The following HMBOX1 variants were observed in gnomAD, a reference collection of about 807,000 sequenced individuals.
HMBOX1 encodes the protein homeobox-containing protein 1.
A neutral mutation model predicts 54.5 loss-of-function variants in HMBOX1; 14 were observed. That is an observed-to-expected ratio of 0.26 (90% confidence interval 0.17 to 0.40). The LOEUF (loss-of-function observed/expected upper bound fraction) is 0.40. Ranked by LOEUF, HMBOX1 falls within the 10% of genes least tolerant of loss-of-function variation. The pLI, the probability that HMBOX1 is intolerant of heterozygous loss-of-function variation, is 1.00. For missense variants in HMBOX1, 332 were observed against 514.4 expected (o/e 0.65, Z 3.43); for synonymous variants, 160 against 181.0 (o/e 0.88, Z 0.93).
At chr8:28,892,512 G>A (rs1039668503) in intron 1 of HMBOX1, among the ~76,000 whole-genome samples, 10 of 152,122 alleles carry the variant, frequency 6.6e-5, no homozygotes, top group Admixed American at 5.9e-4. Context: ...TATTTCGACT[G>A]TTGAGAATTG....
At chr8:28,975,278 G>A (rs191346247) in intron 3 of HMBOX1, among the ~76,000 whole-genome samples, 1 of 152,182 alleles carries the variant, frequency 6.6e-6, no homozygotes, top group African/African-American at 2.4e-5. Flanking sequence ...ATACAGAACA[G>A]CATGTAATAT....
intron 1 of HMBOX1, among the ~76,000 whole-genome samples, chr8:28,912,879 G>C (rs997359211): frequency 6.6e-6 from 1 of 152,030 alleles, no homozygotes; most frequent in Non-Finnish European, 1.5e-5. Context: ...TCTCAAAGAT[G>C]CCTTTTTATG....
intron 4 of HMBOX1, among the ~76,000 whole-genome samples, chr8:28,989,495 T>C (rs1203853739): frequency 1.3e-5 from 2 of 152,212 alleles, no homozygotes; most frequent in Admixed American, 1.3e-4. Flanking sequence ...TTGATTACTT[T>C]GTTATCTTTG....
At chr8:29,021,090 G>C (rs1365637095) in intron 6 of HMBOX1, among the ~76,000 whole-genome samples, 3 of 152,142 alleles carry the variant, frequency 2.0e-5, no homozygotes, top group African/African-American at 7.2e-5. Flanking sequence ...TGAGAGGATT[G>C]CTTGAGCCCA....
Position 29,011,228 on chromosome 8 carries a change from A to C in HMBOX1, c.697+2046A>C, listed in dbSNP as rs183727912. 4.3e-3 allele frequency among the ~76,000 whole-genome samples: 654 copies of C among 152,370 alleles called. 7 individuals carry two copies. Among genetic ancestry groups the C allele is most frequent in the Non-Finnish European group, 7.0e-3 (479 of 68,036 alleles). On this transcript the variant is annotated intron_variant, in intron 5 of 9. Transcript: ENST00000287701. The stretch of plus-strand genomic sequence containing the variant: ...TGTTTGAAAATTTTTGCAATAAAAC[A>C]CTGGAGAAAAATACTTTGTAGGTAG...
intron 4 of HMBOX1, among the ~76,000 whole-genome samples, chr8:28,993,226 G>A (rs1221952890): frequency 1.3e-5 from 2 of 151,946 alleles, no homozygotes; most frequent in Non-Finnish European, 2.9e-5. Context: ...CACTACTTAT[G>A]TAACAAATTA....
At chr8:28,902,171 G>A (rs1324485422) in intron 1 of HMBOX1, among the ~76,000 whole-genome samples, 1 of 152,150 alleles carries the variant, frequency 6.6e-6, no homozygotes. Context: ...GCTGGTAGGG[G>A]GCAGGGGTGA....
chr8:28,899,277 C>A (rs1470045834), intron 1 of HMBOX1, among the ~76,000 whole-genome samples: 1 of 152,140 alleles, frequency 6.6e-6, no homozygotes, highest in Non-Finnish European at 1.5e-5. Context: ...GTATCAGGAT[C>A]CTCATTGCTG....
chr8:28,922,512 A>T (rs915592310), intron 1 of HMBOX1, among the ~76,000 whole-genome samples: 1 of 152,222 alleles, frequency 6.6e-6, no homozygotes, highest in Non-Finnish European at 1.5e-5. Flanking sequence ...GAAATGAAGC[A>T]AAACATTCTT....
intron 1 of HMBOX1, among the ~76,000 whole-genome samples, chr8:28,932,555 G>T (rs982815302): frequency 7.9e-5 from 12 of 152,194 alleles, no homozygotes; most frequent in Admixed American, 5.9e-4. Context: ...CAGTATTTCA[G>T]TCGACTTTAA....
At chr8:28,897,976 G>A (rs1812490712) in intron 1 of HMBOX1, among the ~76,000 whole-genome samples, 1 of 152,150 alleles carries the variant, frequency 6.6e-6, no homozygotes, top group Admixed American at 6.5e-5. Context: ...TACTATTTTT[G>A]TTAGGTACAA....
At chr8:28,994,963 G>T (rs1224883102) in intron 4 of HMBOX1, among the ~76,000 whole-genome samples, 1 of 151,950 alleles carries the variant, frequency 6.6e-6, no homozygotes, top group Non-Finnish European at 1.5e-5. Flanking sequence ...GATACTACTG[G>T]TCCACTTCTG....
At chr8:28,896,202 T>C (rs1812081128) in intron 1 of HMBOX1, among the ~76,000 whole-genome samples, 2 of 152,216 alleles carry the variant, frequency 1.3e-5, no homozygotes, top group Non-Finnish European at 2.9e-5. Context: ...TGCTGGCAAG[T>C]CCTTAGGATG....
In HMBOX1 at chr8:29,051,479, T is replaced by C; in HGVS notation, c.*324T>C. The stretch of plus-strand genomic sequence containing the variant: ...TAGATAGCCCTCAGTTCTCAAATAT[T>C]AGACTACGTGTAAAATCTTGGGTAC... On this transcript the variant is annotated 3_prime_UTR_variant, in exon 10 of 10. Transcript: ENST00000287701. 1.4e-6 allele frequency: 1 copy of C among 699,936 alleles called. No homozygotes were observed. Among genetic ancestry groups the C allele is most frequent in the Admixed American group, 2.0e-5 (1 of 49,950 alleles). 43.4% of individuals were successfully genotyped at this position (699,936 alleles called of 1,614,324 possible). A position where few individuals can be genotyped will look rare whatever the true frequency, so the allele number is the denominator to read the frequency against.
intron 4 of HMBOX1, among the ~76,000 whole-genome samples, chr8:28,983,610 CAA>C (rs1054685717): frequency 6.8e-4 from 104 of 152,292 alleles, no homozygotes; most frequent in African/African-American, 2.3e-3. Context: ...TTTCCTTACA[CAA>C]AGAGTCTAGC....
At chr8:29,006,144 C>T (rs1240223674) in intron 4 of HMBOX1, among the ~76,000 whole-genome samples, 1 of 151,912 alleles carries the variant, frequency 6.6e-6, no homozygotes, top group Non-Finnish European at 1.5e-5. Flanking sequence ...AGGCACACAC[C>T]ACCATGCCTG....
At chr8:28,936,607 A>G (rs1007627186) in intron 1 of HMBOX1, among the ~76,000 whole-genome samples, 1 of 152,098 alleles carries the variant, frequency 6.6e-6, no homozygotes, top group African/African-American at 2.4e-5. Flanking sequence ...TTGAGCTAAC[A>G]TGAGAATGAT....
At chr8:29,045,313 T>C in intron 6 of HMBOX1, 48 bp from the exon 7 acceptor site, 1 of 1,384,768 alleles carries the variant, frequency 7.2e-7, no homozygotes, top group Non-Finnish European at 1.0e-6. Context: ...TTAATGAGAG[T>C]ATGTTTGAAA....
intron 1 of HMBOX1, among the ~76,000 whole-genome samples, chr8:28,930,584 T>C (rs970182981): frequency 2.0e-5 from 3 of 152,210 alleles, no homozygotes; most frequent in African/African-American, 4.8e-5. Flanking sequence ...TCTTTTTCCC[T>C]CACTGTTACC....
Sources: allele counts gnomAD v4.1 joint callset (sites outside exome capture counted in the v4.1 genomes callset), GRCh38; gene constraint gnomAD v4.1.1; transcripts MANE v1.5; gene names NCBI Gene and HGNC (gene_info 2026-07-23, HGNC 2026-07-21).